The following AATF variants were observed in gnomAD, a reference collection of about 807,000 sequenced individuals.
AATF encodes the protein protein AATF.
AATF carries 48 observed loss-of-function variants against 63.7 expected under a neutral mutation model. The ratio of observed to expected loss-of-function variants is 0.75; its 90% CI spans 0.60 to 0.96. The LOEUF is 0.96. Ranked by LOEUF, AATF falls within the 40% of genes least tolerant of loss-of-function variation. AATF has a pLI of 0.00. For synonymous variants in AATF, 258 were observed against 247.7 expected (o/e 1.04, Z -0.39); for missense variants, 639 against 685.7 (o/e 0.93, Z 0.76).
chr17:37,002,201 CAA>C (rs34123922), intron 8 of AATF, among the ~76,000 whole-genome samples: 13,414 of 75,928 alleles, frequency 0.18, 514 homozygotes, highest in Non-Finnish European at 0.26. Context: ...GACTCCGTCT[CAA>C]AAAAAAAAAA....
chr17:36,981,680 TC>T (rs1185628580), intron 4 of AATF, among the ~76,000 whole-genome samples: 1 of 149,854 alleles, frequency 6.7e-6, no homozygotes, highest in Non-Finnish European at 1.5e-5. Context: ...CTTTCTTCTT[TC>T]TTCTTCTTCT....
intron 4 of AATF, among the ~76,000 whole-genome samples, chr17:36,982,344 TTTTTTATTTTTA>T (rs372802480): frequency 6.6e-6 from 1 of 151,918 alleles, no homozygotes; most frequent in African/African-American, 2.4e-5. Context: ...GTTTTGGGAT[TTTTTTATTTTTA>T]TTTTTATTTT....
intron 8 of AATF, among the ~76,000 whole-genome samples, chr17:37,005,376 A>G (rs1183518929): frequency 8.5e-5 from 13 of 152,148 alleles, no homozygotes; most frequent in Admixed American, 8.5e-4. Flanking sequence ...AGGAAGAGGG[A>G]TGCTGAAAAG....
chr17:36,990,975 G>C, intron 8 of AATF, 118 bp downstream of exon 8: 1 of 611,742 alleles, frequency 1.6e-6, no homozygotes, highest in Non-Finnish European at 2.7e-6. Flanking sequence ...CAGTGAGTTA[G>C]AACTCCCGCG....
intron 8 of AATF, 120 bp downstream of exon 8, chr17:36,990,977 A>T: frequency 1.7e-6 from 1 of 593,032 alleles, no homozygotes; most frequent in Non-Finnish European, 2.8e-6. Context: ...GTGAGTTAGA[A>T]CTCCCGCGTT....
chr17:37,049,941 C>G (rs976378175), intron 11 of AATF, among the ~76,000 whole-genome samples: 2 of 152,096 alleles, frequency 1.3e-5, no homozygotes, highest in African/African-American at 4.8e-5. Flanking sequence ...GCTTTGGGCT[C>G]ACGAGGGCTG....
At chr17:36,974,431 T>C (rs60358679) in intron 4 of AATF, among the ~76,000 whole-genome samples, 6,818 of 152,268 alleles carry the variant, frequency 0.045, 492 homozygotes, top group African/African-American at 0.15. Flanking sequence ...TTATAAATGA[T>C]GTAGTAAACA....
intron 11 of AATF, among the ~76,000 whole-genome samples, chr17:37,039,560 T>C (rs2071620323): frequency 6.6e-6 from 1 of 152,236 alleles, no homozygotes; most frequent in African/African-American, 2.4e-5. Flanking sequence ...GTTTATAATT[T>C]GCTTGTTGAT....
intron 8 of AATF, among the ~76,000 whole-genome samples, chr17:37,004,308 G>A (rs2071325106): frequency 6.6e-6 from 1 of 152,118 alleles, no homozygotes; most frequent in African/African-American, 2.4e-5. Flanking sequence ...TCCAGCCTAG[G>A]CAACAAGAGC....
chr17:37,010,083 T>G (rs1407448096), intron 8 of AATF, among the ~76,000 whole-genome samples: 1 of 152,168 alleles, frequency 6.6e-6, no homozygotes, highest in African/African-American at 2.4e-5. Context: ...TCCTTTTGTG[T>G]AAAAACACTG....
intron 11 of AATF, chr17:37,055,427 A>G (rs2071789827): frequency 6.6e-6 from 1 of 151,756 alleles, no homozygotes; most frequent in Non-Finnish European, 1.5e-5. Context: ...GGGTGACTTC[A>G]AAAAAAGACC....
At chr17:37,005,288 G>A (rs1010019548) in intron 8 of AATF, among the ~76,000 whole-genome samples, 1 of 152,144 alleles carries the variant, frequency 6.6e-6, no homozygotes, top group Non-Finnish European at 1.5e-5. Flanking sequence ...AGTTCAGGGT[G>A]TATATCAGGG....
intron 8 of AATF, among the ~76,000 whole-genome samples, chr17:37,005,491 T>C (rs1169224485): frequency 6.6e-6 from 1 of 152,200 alleles, no homozygotes; most frequent in Non-Finnish European, 1.5e-5. Flanking sequence ...TTATTTCAGC[T>C]GGGCTTTTGG....
At chr17:36,963,608 G>A (rs555551916) in intron 4 of AATF, among the ~76,000 whole-genome samples, 3 of 152,272 alleles carry the variant, frequency 2.0e-5, no homozygotes, top group South Asian at 4.1e-4. Flanking sequence ...AAATCACACA[G>A]GAGTAAGATA....
chr17:36,997,866 T>A lies in AATF; in HGVS notation c.1398+7009T>A, dbSNP rs149641057. Among the ~76,000 whole-genome samples, 137 of 152,308 alleles carry A rather than the reference T, an allele frequency of 9.0e-4. 4 individuals carry two copies. In the South Asian group the frequency reaches 0.013, roughly 15 times the overall value. Reference sequence around the variant, plus strand: ...ACGAGTGGATAAAGAAACTGTGGTATATCTATATGATGGAATACTACAGAA... The same window carrying A: ...ACGAGTGGATAAAGAAACTGTGGTAAATCTATATGATGGAATACTACAGAA... On this transcript the variant is annotated intron_variant, in intron 8 of 11. Coordinates refer to ENST00000619387, the MANE Select transcript of AATF (RefSeq NM_012138.4).
chr17:37,001,405 GAGGA>G (rs1212807271), intron 8 of AATF, among the ~76,000 whole-genome samples: 2,549 of 63,584 alleles, frequency 0.04, 78 homozygotes, highest in East Asian at 0.12. Context: ...AGGAGGGAGG[GAGGA>G]AGGAAGGAAG....
chr17:37,051,069 C>G (rs868661426), intron 11 of AATF: 4 of 152,326 alleles, frequency 2.6e-5, no homozygotes, highest in African/African-American at 9.6e-5. Flanking sequence ...CCATACCTGG[C>G]CTATGAGTCA....
chr17:37,015,390 C>CAAG (rs2071421624), intron 8 of AATF, among the ~76,000 whole-genome samples: 1 of 152,180 alleles, frequency 6.6e-6, no homozygotes, highest in South Asian at 2.1e-4. Flanking sequence ...AGTCCAAGAA[C>CAAG]AAGAAGGTGG....
At position 36,949,145 on chromosome 17, in the gene AATF, T is replaced by C. The variant is rs369810199; in HGVS notation, c.20T>C (p.Leu7Pro). MAGPQP[L>P]ALQLEQLLNP... ...GTGACGATGGCGGGGCCGCAGCCCC[T>C]GGCGCTGCAACTGGAACAGTTGTTG... Residue 7 changes from leucine to proline, a missense_variant, in exon 1 of 12, where the codon CTG becomes CCG. Coordinates refer to ENST00000619387, the MANE Select transcript of AATF (RefSeq NM_012138.4). 1.8e-5 allele frequency: 28 copies of C among 1,584,294 alleles called. No individual in the cohort carries two copies. The East Asian group carries it at 4.8e-4, about 27-fold the overall frequency.
Sources: allele counts gnomAD v4.1 joint callset (sites outside exome capture counted in the v4.1 genomes callset), GRCh38; gene constraint gnomAD v4.1.1; transcripts MANE v1.5; gene names NCBI Gene and HGNC (gene_info 2026-07-23, HGNC 2026-07-21).